Variants in CENPW observed in about 807,000 individuals in gnomAD.
The protein encoded by CENPW is cancer-up-regulated gene 2 protein.
Under a neutral mutation model 11.1 loss-of-function variants are expected in CENPW, and 3 were observed. The observed-to-expected ratio is 0.27, with a 90% confidence interval of 0.12 to 0.70. The LOEUF is 0.70. Among genes scored for constraint, CENPW ranks in the 30% least tolerant of loss-of-function variants. CENPW has a pLI of 0.77. For missense variants in CENPW, 100 were observed against 105.6 expected, an observed-to-expected ratio of 0.95 and a Z score of 0.23; for synonymous variants, 38 against 42.0, an observed-to-expected ratio of 0.91 and a Z score of 0.37.
the CENPW span, among the ~76,000 whole-genome samples, chr6:126,462,779 A>T: frequency 3.9e-5 from 6 of 151,922 alleles, no homozygotes; most frequent in Non-Finnish European, 7.4e-5. Context: ...CCTGTAACTG[A>T]TGTAATGAGC....
chr6:126,410,387 T>C, the CENPW span, among the ~76,000 whole-genome samples: 1 of 152,200 alleles, frequency 6.6e-6, no homozygotes, highest in East Asian at 1.9e-4. Flanking sequence ...TTTCCTTATA[T>C]ATGAATTGAT....
the CENPW span, among the ~76,000 whole-genome samples, chr6:126,414,462 G>A: frequency 2.6e-5 from 4 of 152,022 alleles, no homozygotes; most frequent in African/African-American, 4.8e-5. Context: ...ATCTTTTCTC[G>A]TATCAGTGAA....
the CENPW span, among the ~76,000 whole-genome samples, chr6:126,363,804 ATT>A: frequency 6.6e-6 from 1 of 152,136 alleles, no homozygotes; most frequent in Non-Finnish European, 1.5e-5. Context: ...ATTTGTTAAG[ATT>A]TTTTGTTTCT....
chr6:126,449,432 T>A, the CENPW span, among the ~76,000 whole-genome samples: 1 of 151,050 alleles, frequency 6.6e-6, no homozygotes, highest in Non-Finnish European at 1.5e-5. Flanking sequence ...AAAAAATGAA[T>A]GATCTCCTTA....
At chr6:126,366,708 TCTAA>T in the CENPW span, among the ~76,000 whole-genome samples, 3 of 152,220 alleles carry the variant, frequency 2.0e-5, no homozygotes, top group Non-Finnish European at 2.9e-5. Context: ...CATGTTACCA[TCTAA>T]CTATTTGAGA....
the CENPW span, among the ~76,000 whole-genome samples, chr6:126,382,245 A>T: frequency 1.3e-5 from 2 of 150,112 alleles, no homozygotes; most frequent in Non-Finnish European, 1.5e-5. Context: ...CAAAAAAAAT[A>T]TATATATATA....
At chr6:126,369,888 T>G in the CENPW span, among the ~76,000 whole-genome samples, 2 of 152,230 alleles carry the variant, frequency 1.3e-5, no homozygotes, top group Non-Finnish European at 1.5e-5. Flanking sequence ...TGTTATCTTC[T>G]AGAATTTTTA....
At chr6:126,482,138 T>A in the CENPW span, among the ~76,000 whole-genome samples, 2 of 152,102 alleles carry the variant, frequency 1.3e-5, no homozygotes, top group African/African-American at 4.8e-5. Flanking sequence ...GTATAGACAC[T>A]GTTTGTGCTG....
At chr6:126,386,616 G>A in the CENPW span, among the ~76,000 whole-genome samples, 2 of 152,012 alleles carry the variant, frequency 1.3e-5, no homozygotes, top group Non-Finnish European at 1.5e-5. Context: ...AGATGAAATA[G>A]TTGTGCAGTG....
the CENPW span, among the ~76,000 whole-genome samples, chr6:126,375,551 T>C: frequency 6.6e-6 from 1 of 152,054 alleles, no homozygotes; most frequent in African/African-American, 2.4e-5. Flanking sequence ...CTCTCACCCT[T>C]TTGTCTTTCC....
At chr6:126,375,400 AT>A in the CENPW span, among the ~76,000 whole-genome samples, 1 of 152,224 alleles carries the variant, frequency 6.6e-6, no homozygotes, top group South Asian at 2.1e-4. Flanking sequence ...TATGCAGGTC[AT>A]TTTAGATTCT....
At chr6:126,375,108 CTT>C in the CENPW span, among the ~76,000 whole-genome samples, 1 of 152,124 alleles carries the variant, frequency 6.6e-6, no homozygotes, top group Non-Finnish European at 1.5e-5. Context: ...GTGAAAGTGT[CTT>C]TTGAACTATG....
At chr6:126,434,746 A>G in the CENPW span, among the ~76,000 whole-genome samples, 1 of 152,060 alleles carries the variant, frequency 6.6e-6, no homozygotes, top group African/African-American at 2.4e-5. Context: ...TGTTAAAATT[A>G]CAATACATAT....
chr6:126,420,653 ACCTGGCAATCTATGT>A, the CENPW span, among the ~76,000 whole-genome samples: 1 of 152,160 alleles, frequency 6.6e-6, no homozygotes, highest in East Asian at 1.9e-4. Flanking sequence ...AGAAATAAAC[ACCTGGCAATCTATGT>A]CCTCAGTAGG....
chr6:126,400,713 G>C, the CENPW span, among the ~76,000 whole-genome samples: 1 of 151,804 alleles, frequency 6.6e-6, no homozygotes, highest in Admixed American at 6.6e-5. Flanking sequence ...ATGTTTTGTT[G>C]TTGTTTTATG....
At chr6:126,401,112 T>C in the CENPW span, among the ~76,000 whole-genome samples, 1 of 152,158 alleles carries the variant, frequency 6.6e-6, no homozygotes, top group South Asian at 2.1e-4. Context: ...TTTTGTCTGA[T>C]AGCCAGAATC....
the CENPW span, among the ~76,000 whole-genome samples, chr6:126,376,894 C>CTGTG: frequency 6.6e-6 from 1 of 152,056 alleles, no homozygotes; most frequent in African/African-American, 2.4e-5. Context: ...AGGAATGGGG[C>CTGTG]TGTGGTAGGT....
the CENPW span, among the ~76,000 whole-genome samples, chr6:126,383,842 A>G: frequency 6.6e-6 from 1 of 152,180 alleles, no homozygotes; most frequent in African/African-American, 2.4e-5. Context: ...TTAACAACCC[A>G]CTGACAGTAT....
the CENPW span, among the ~76,000 whole-genome samples, chr6:126,434,780 A>G: frequency 6.6e-6 from 1 of 152,032 alleles, no homozygotes; most frequent in Admixed American, 6.6e-5. Flanking sequence ...ATTATAACCC[A>G]CAGTTGACCA....
Sources: gnomAD v4.1 joint callset for allele counts (sites outside exome capture counted in the v4.1 genomes callset) on GRCh38, gnomAD v4.1.1 for gene constraint, MANE v1.5 for transcripts, NCBI Gene and HGNC (gene_info 2026-07-23, HGNC 2026-07-21) for gene names.